DYNC1H1: variants seen among roughly 807,000 people sequenced by gnomAD.
DYNC1H1 encodes cytoplasmic dynein 1 heavy chain 1.
DYNC1H1 carries 51 observed loss-of-function variants against 527.1 expected under a neutral mutation model. The ratio of observed to expected loss-of-function variants is 0.10; its 90% CI spans 0.08 to 0.12. The LOEUF (loss-of-function observed/expected upper bound fraction) is 0.12, where lower values mean the gene tolerates loss of function less well. Ranked by LOEUF, DYNC1H1 falls within the 10% of genes least tolerant of loss-of-function variation. The pLI is 1.00. For missense variants in DYNC1H1, 2,771 were observed against 5,971.8 expected, an observed-to-expected ratio of 0.46 and a Z score of 17.66; for synonymous variants, 2,189 against 2,278.8, an observed-to-expected ratio of 0.96 and a Z score of 1.12.
chr14:102,019,037 CAA>C (rs1419443414), intron 41 of DYNC1H1, among the ~76,000 whole-genome samples: 4 of 152,182 alleles, frequency 2.6e-5, no homozygotes, highest in Non-Finnish European at 5.9e-5. Context: ...GGTCTGTCAT[CAA>C]AGTCACTTTT....
chr14:102,044,653 C>T lies in DYNC1H1; in HGVS notation c.12961C>T (p.Leu4321=), dbSNP rs754028282. Residue 4321 remains leucine (L), a synonymous_variant, in exon 72 of 78, where the codon CTG becomes TTG. Transcript: ENST00000360184. The surrounding 1 kb of genome is among the most constrained non-coding windows in gnomAD (Gnocchi z 7.1). ...CCCCGACACCCAGACGCCCTCCTGG[C>T]TGGGCCTGCCCAACAACGCCGAGAG... ...LLPDTQTPSW[L]GLPNNAERVL... is the part of the protein sequence containing the mutation. 5 of 1,614,194 alleles carry T rather than the reference C, an allele frequency of 3.1e-6. No homozygotes were observed. Among genetic ancestry groups the T allele is most frequent in the Non-Finnish European group, 4.2e-6 (5 of 1,180,044 alleles).
rs865971340 is a variant in DYNC1H1 at position 101,987,498 on chromosome 14, C to T, written c.2584C>T (p.Arg862Cys). 4 of 1,613,990 alleles carry T rather than the reference C, an allele frequency of 2.5e-6. No homozygotes were observed. The highest frequency in any genetic ancestry group is 1.3e-5 in the African/African-American group (1 of 74,890). Residue 862 changes from arginine (R) to cysteine (C), a missense_variant, in exon 9 of 78, where the codon CGT becomes TGT. Physicochemically the swap from Arg to Cys is radical, Grantham distance 180 (BLOSUM62 -3). Around this residue, in one of 32 missense-constraint regions of DYNC1H1, gnomAD observed 179 missense variants for 349.4 expected, o/e 0.51. Coordinates refer to ENST00000360184, the MANE Select transcript of DYNC1H1 (RefSeq NM_001376.5). ...TGAAGAAAAAATAGACCTAGAAGTCCGTTCCTTGGAAACTTGTATGTATGA... is the reference window on the plus strand; with the variant it reads ...TGAAGAAAAAATAGACCTAGAAGTCTGTTCCTTGGAAACTTGTATGTATGA... ...IIEEKIDLEV[R>C]SLETCMYDHK...
rs17541540 is a variant in DYNC1H1 at position 102,040,728 on chromosome 14, G to C, written c.11941+55G>C. ...CCTGAATGTAAAGTTGGGTTTTGCTGCTTAAAGGGATGCTTTCAAAAAACA... is the reference window on the plus strand; with the variant it reads ...CCTGAATGTAAAGTTGGGTTTTGCTCCTTAAAGGGATGCTTTCAAAAAACA... On this transcript the variant is annotated intron_variant, in intron 64 of 77. Coordinates refer to ENST00000360184, the MANE Select transcript of DYNC1H1 (RefSeq NM_001376.5). 634,954 of 1,597,896 alleles carry C rather than the reference G, an allele frequency of 0.4. 132,726 individuals carry two copies. Among genetic ancestry groups the C allele is most frequent in the Non-Finnish European group, 0.43 (503,847 of 1,165,566 alleles).
chr14:101,995,214 A>G lies in DYNC1H1; in HGVS notation c.3478A>G (p.Thr1160Ala). 3 of 1,614,212 alleles carry G rather than the reference A, an allele frequency of 1.9e-6. No homozygotes were observed. The highest frequency in any genetic ancestry group is 2.5e-6 in the Non-Finnish European group (3 of 1,180,018). Residue 1160 changes from threonine to alanine, a missense_variant, in exon 15 of 78, where the codon ACG becomes GCG. Physicochemically the swap from Thr to Ala is moderately conservative, Grantham distance 58. Around this residue, in one of 32 missense-constraint regions of DYNC1H1, gnomAD observed 223 missense variants for 462.5 expected, o/e 0.48. Coordinates refer to ENST00000360184, the MANE Select transcript of DYNC1H1 (RefSeq NM_001376.5). ...AGAGTTGGAGCAGCACTCAGTAGAC[A>G]CGGCCAGCACCTCCGATGCAGTGAC... Reference protein sequence around the residue: ...RQELEQHSVDTASTSDAVTFI... With the variant: ...RQELEQHSVDAASTSDAVTFI...
Position 101,965,020 on chromosome 14 carries a change from G to GACA in DYNC1H1, c.256+73_256+74insACA. On this transcript the variant is annotated intron_variant, in intron 1 of 77. Transcript: ENST00000360184. The surrounding 1 kb of genome is among the most constrained non-coding windows in gnomAD (Gnocchi z 4.1). Reference sequence around the variant, plus strand: ...TGCAGGGCCTGCCAGGTCCTCCGGGGTCGCAGATGTCCCCGGGATGGGAGG... The same window carrying GACA: ...TGCAGGGCCTGCCAGGTCCTCCGGGGACATCGCAGATGTCCCCGGGATGGGAGG... 6.8e-7 allele frequency: 1 copy of GACA among 1,472,020 alleles called. No individual in the cohort carries two copies. Among genetic ancestry groups the GACA allele is most frequent in the Non-Finnish European group, 9.2e-7 (1 of 1,091,658 alleles). 91.2% of individuals were successfully genotyped at this position (1,472,020 alleles called of 1,614,324 possible).
chr14:102,003,065 T>G, intron 23 of DYNC1H1, 100 bp downstream of exon 23: 1 of 1,515,924 alleles, frequency 6.6e-7, no homozygotes, highest in Non-Finnish European at 9.0e-7. Flanking sequence ...TTTGTTAGTT[T>G]TGACATCAAG....
Position 102,015,737 on chromosome 14 carries a change from A to C in DYNC1H1, c.7243-119A>C. The C allele has an allele frequency of 8.9e-7, 1 of 1,124,014 alleles. No homozygotes were observed. The allele number at this position is 1,124,014 out of a possible 1,614,324, so 69.6% of individuals were successfully genotyped here. On this transcript the variant is annotated intron_variant, in intron 35 of 77. Transcript: ENST00000360184. The surrounding 1 kb of genome is among the most constrained non-coding windows in gnomAD (Gnocchi z 6.9). ...TGAAGGAATGAGGACTGGTCATTGAAGCTTCATCCAAAATGAGTTTTCCAA... is the reference window on the plus strand; with the variant it reads ...TGAAGGAATGAGGACTGGTCATTGACGCTTCATCCAAAATGAGTTTTCCAA...
intron 9 of DYNC1H1, 98 bp from the exon 10 acceptor site, chr14:101,988,605 G>T: frequency 6.6e-7 from 1 of 1,513,638 alleles, no homozygotes; most frequent in Non-Finnish European, 9.1e-7. Context: ...CCGGAACTGT[G>T]TATCTTTTAT....
At position 102,017,319 on chromosome 14, in the gene DYNC1H1, TC is replaced by T; in HGVS notation, c.8055+27del. On this transcript the variant is annotated intron_variant, in intron 39 of 77. Transcript: ENST00000360184. This position sits in a 1 kb window ranked among gnomAD's most constrained non-coding sequence, Gnocchi z 4.6. ...GGTTTGTTTCTATCCACAAGGCCCT[TC>T]CTGCCCCACAATGTTTCTTGTTCAA... 1 of 1,614,236 alleles carries T rather than the reference TC, an allele frequency of 6.2e-7. No individual in the cohort carries two copies. Among genetic ancestry groups the T allele is most frequent in the Non-Finnish European group, 8.5e-7 (1 of 1,180,040 alleles).
intron 10 of DYNC1H1, among the ~76,000 whole-genome samples, chr14:101,990,987 G>A (rs1159225916): frequency 2.8e-5 from 4 of 145,208 alleles, no homozygotes; most frequent in African/African-American, 1.0e-4. Flanking sequence ...CCAGCCTGGC[G>A]ACAGAGTGAG....
chr14:102,041,798 G>A lies in DYNC1H1; in HGVS notation c.12102+64G>A. On this transcript the variant is annotated intron_variant, in intron 65 of 77. Coordinates refer to ENST00000360184, the MANE Select transcript of DYNC1H1 (RefSeq NM_001376.5). The surrounding 1 kb of genome is among the most constrained non-coding windows in gnomAD (Gnocchi z 4.5). ...CATGCCCACCTCCCCAGCCACAGGTGGCAGCAGCCCTGGCATCTGCTCTCA... is the reference window on the plus strand; with the variant it reads ...CATGCCCACCTCCCCAGCCACAGGTAGCAGCAGCCCTGGCATCTGCTCTCA... 2 of 1,611,074 alleles carry A rather than the reference G, an allele frequency of 1.2e-6. No homozygotes were observed. Among genetic ancestry groups the A allele is most frequent in the Non-Finnish European group, 1.7e-6 (2 of 1,179,450 alleles).
chr14:102,009,606 T>C, intron 29 of DYNC1H1: 1 of 540,294 alleles, frequency 1.9e-6, no homozygotes. Context: ...GGTCTCTGCC[T>C]CTGGTGGCTT....
At chr14:101,994,920 C>T in intron 13 of DYNC1H1, 66 bp from the exon 14 acceptor site, 1 of 1,613,380 alleles carries the variant, frequency 6.2e-7, no homozygotes, top group Admixed American at 1.7e-5. Flanking sequence ...GACTGATATT[C>T]ATTTGAAGGA....
rs576812165 is a variant in DYNC1H1 at position 102,042,566 on chromosome 14, G to A, written c.12399+59G>A. ...TGGCCTGGCACTGTGCTGTCGGCACGTGTGTGGTGGAATTGAACAGGCGCC... is the reference window on the plus strand; with the variant it reads ...TGGCCTGGCACTGTGCTGTCGGCACATGTGTGGTGGAATTGAACAGGCGCC... On this transcript the variant is annotated intron_variant, in intron 68 of 77. Transcript: ENST00000360184. The surrounding 1 kb of genome is among the most constrained non-coding windows in gnomAD (Gnocchi z 5.7). 113 of 1,613,714 alleles carry A rather than the reference G, an allele frequency of 7.0e-5. 1 individual carries two copies. In the African/African-American group the frequency reaches 1.1e-3, roughly 16 times the overall value.
intron 15 of DYNC1H1, among the ~76,000 whole-genome samples, chr14:101,995,753 T>A (rs1034876454): frequency 6.6e-6 from 1 of 152,052 alleles, no homozygotes; most frequent in Non-Finnish European, 1.5e-5. Flanking sequence ...TACAACAGCC[T>A]GATGTGCTTG....
rs1037017690 is a variant in DYNC1H1, at chr14:101,997,656, T to C, written c.3804+382T>C. ...TGTTTTTGCCAGTGCTGCCAGTGGA[T>C]TGTGGGGAGGCAGGTTCTGTTGTCT... is the stretch of plus-strand genomic sequence containing the variant. On this transcript the variant is annotated intron_variant, in intron 16 of 77. Coordinates refer to ENST00000360184, the MANE Select transcript of DYNC1H1 (RefSeq NM_001376.5). This position sits in a 1 kb window ranked among gnomAD's most constrained non-coding sequence, Gnocchi z 4.8. 1.3e-5 allele frequency among the ~76,000 whole-genome samples: 2 copies of C among 152,168 alleles called. No homozygotes were observed. Among genetic ancestry groups the C allele is most frequent in the Non-Finnish European group, 2.9e-5 (2 of 68,028 alleles).
Position 102,017,054 on chromosome 14 carries a change from T to C in DYNC1H1, c.7849-34T>C. The stretch of plus-strand genomic sequence containing the variant: ...CTTTTGGTGCTGAGCATGGGGTTGG[T>C]CTTACAGTGTGGTTTTGTGTCTTCC... On this transcript the variant is annotated intron_variant, in intron 38 of 77. Transcript: ENST00000360184. The surrounding 1 kb of genome is among the most constrained non-coding windows in gnomAD (Gnocchi z 4.6). 1.9e-6 allele frequency: 3 copies of C among 1,614,230 alleles called. No individual in the cohort carries two copies. Among genetic ancestry groups the C allele is most frequent in the East Asian group, 4.5e-5 (2 of 44,888 alleles).
Position 102,039,378 on chromosome 14 carries a change from A to G in DYNC1H1, c.11461-34A>G. The G allele has an allele frequency of 6.2e-7, 1 of 1,610,726 alleles. No homozygotes were observed. The highest frequency in any genetic ancestry group is 8.5e-7 in the Non-Finnish European group (1 of 1,176,772). ...CAGAAGTTCAGCGGGGTGCCGAGGG[A>G]GCTGCCTCACCGCTGCCCACTGCTT... On this transcript the variant is annotated intron_variant, in intron 60 of 77. Coordinates refer to ENST00000360184, the MANE Select transcript of DYNC1H1 (RefSeq NM_001376.5). This position sits in a 1 kb window ranked among gnomAD's most constrained non-coding sequence, Gnocchi z 7.0.
At chr14:101,976,200 C>G (rs1741779703) in intron 2 of DYNC1H1, among the ~76,000 whole-genome samples, 1 of 150,710 alleles carries the variant, frequency 6.6e-6, no homozygotes, top group Admixed American at 6.6e-5. Flanking sequence ...AGCCACCGTG[C>G]CCAGCCTAAA....
Sources: allele counts gnomAD v4.1 joint callset (sites outside exome capture counted in the v4.1 genomes callset), GRCh38; gene constraint gnomAD v4.1.1; regional missense constraint gnomAD v4.1.1; non-coding constraint Gnocchi (gnomAD v3.1); transcripts MANE v1.5; gene names NCBI Gene and HGNC (gene_info 2026-07-23, HGNC 2026-07-21).